The following TAS2R1 variants were observed in gnomAD, a reference collection of about 807,000 sequenced individuals.
TAS2R1 encodes taste 2 receptor member 1.
For missense variants in TAS2R1, 370 were observed against 353.4 expected (o/e 1.05, Z -0.38); for synonymous variants, 141 against 134.2 (o/e 1.05, Z -0.35).
At chr5:9,715,463 G>A (rs1350508909), upstream of TAS2R1, among the ~76,000 whole-genome samples, 1 of 152,198 alleles carries the variant, frequency 6.6e-6, no homozygotes, top group East Asian at 1.9e-4. Context: ...ACTGCAAAAG[G>A]CCCTCCATAC....
At chr5:9,820,885 C>T in the TAS2R1 span, among the ~76,000 whole-genome samples, 1 of 152,166 alleles carries the variant, frequency 6.6e-6, no homozygotes, top group Admixed American at 6.5e-5. Context: ...GGGAGATGAA[C>T]AGAGTCGATT....
chr5:9,821,933 C>T, the TAS2R1 span, among the ~76,000 whole-genome samples: 1 of 152,214 alleles, frequency 6.6e-6, no homozygotes, highest in Non-Finnish European at 1.5e-5. Flanking sequence ...GAAAGTCTAG[C>T]AGCCATGCCC....
At chr5:9,833,919 C>G in the TAS2R1 span, among the ~76,000 whole-genome samples, 1 of 152,102 alleles carries the variant, frequency 6.6e-6, no homozygotes, top group South Asian at 2.1e-4. Flanking sequence ...TAAAAAAGAC[C>G]CTGAGGCATC....
chr5:9,753,808 G>A, the TAS2R1 span, among the ~76,000 whole-genome samples: 8 of 152,250 alleles, frequency 5.3e-5, no homozygotes, highest in African/African-American at 7.2e-5. Context: ...ATAGGGAATC[G>A]TTTCTCCATT....
At chr5:9,742,964 A>T in the TAS2R1 span, among the ~76,000 whole-genome samples, 2 of 152,184 alleles carry the variant, frequency 1.3e-5, no homozygotes, top group Non-Finnish European at 2.9e-5. Flanking sequence ...AACTTTAAGC[A>T]TGATGAATAA....
the TAS2R1 span, among the ~76,000 whole-genome samples, chr5:9,794,300 A>T: frequency 5.3e-5 from 8 of 152,156 alleles, no homozygotes; most frequent in Admixed American, 5.2e-4. Context: ...GATTTATTAT[A>T]TTTATAAGAG....
the TAS2R1 span, among the ~76,000 whole-genome samples, chr5:9,860,490 C>T: frequency 6.6e-6 from 1 of 152,176 alleles, no homozygotes; most frequent in South Asian, 2.1e-4. Context: ...TAGGAAATAA[C>T]AAGCTAAAGA....
the TAS2R1 span, among the ~76,000 whole-genome samples, chr5:9,842,312 C>CTTTTTTTTTTT: frequency 1.7e-4 from 21 of 120,372 alleles, no homozygotes; most frequent in African/African-American, 6.0e-4. Flanking sequence ...GTCTTTCTTT[C>CTTTTTTTTTTT]TCTCTTTTTT....
the TAS2R1 span, among the ~76,000 whole-genome samples, chr5:9,792,019 G>C: frequency 1.3e-5 from 2 of 152,188 alleles, no homozygotes; most frequent in African/African-American, 4.8e-5. Context: ...CCAGGAGTCA[G>C]GATTCAAGTG....
chr5:9,830,304 T>C, the TAS2R1 span, among the ~76,000 whole-genome samples: 1 of 151,982 alleles, frequency 6.6e-6, no homozygotes, highest in Admixed American at 6.6e-5. Context: ...AGATGACAGA[T>C]ATATACAGAA....
the TAS2R1 span, among the ~76,000 whole-genome samples, chr5:9,835,587 G>C: frequency 1.3e-5 from 2 of 152,242 alleles, no homozygotes; most frequent in Non-Finnish European, 2.9e-5. Context: ...CTGACACCAT[G>C]AATGACATCA....
chr5:9,791,472 G>A, the TAS2R1 span, among the ~76,000 whole-genome samples: 2 of 152,226 alleles, frequency 1.3e-5, no homozygotes, highest in African/African-American at 4.8e-5. Context: ...GCCAAGGTAG[G>A]TGAATCACTT....
At chr5:9,744,573 A>T in the TAS2R1 span, among the ~76,000 whole-genome samples, 1 of 152,122 alleles carries the variant, frequency 6.6e-6, no homozygotes, top group Admixed American at 6.5e-5. Context: ...TTGTATATAT[A>T]GTAAGGGCCA....
At chr5:9,769,252 T>C in the TAS2R1 span, among the ~76,000 whole-genome samples, 3 of 152,158 alleles carry the variant, frequency 2.0e-5, no homozygotes, top group East Asian at 5.8e-4. Flanking sequence ...CAGGATCTCA[T>C]TCTTTTTTTA....
chr5:9,647,241 T>C (rs1002581284), intron 2 of TAS2R1, among the ~76,000 whole-genome samples: 3 of 152,172 alleles, frequency 2.0e-5, no homozygotes, highest in Non-Finnish European at 4.4e-5. Context: ...CCAACAAAGA[T>C]GCATAAGACC....
At chr5:9,767,392 C>T in the TAS2R1 span, among the ~76,000 whole-genome samples, 1 of 152,112 alleles carries the variant, frequency 6.6e-6, no homozygotes, top group African/African-American at 2.4e-5. Context: ...GAAGCTGGAC[C>T]CACATTGCCA....
intron 1 of TAS2R1, among the ~76,000 whole-genome samples, chr5:9,676,148 C>G (rs968765386): frequency 6.6e-6 from 1 of 152,098 alleles, no homozygotes; most frequent in Admixed American, 6.6e-5. Context: ...TGCCATATCA[C>G]ATTAATTGAT....
the TAS2R1 span, among the ~76,000 whole-genome samples, chr5:9,771,344 T>C: frequency 1.3e-5 from 2 of 152,164 alleles, no homozygotes. Context: ...TGTTAAACCA[T>C]CCTTGCATCC....
chr5:9,896,158 G>A, the TAS2R1 span, among the ~76,000 whole-genome samples: 1 of 152,200 alleles, frequency 6.6e-6, no homozygotes, highest in Non-Finnish European at 1.5e-5. Flanking sequence ...CTTGGGTCTA[G>A]CCACCAAGGT....
Sources: allele counts gnomAD v4.1 joint callset (sites outside exome capture counted in the v4.1 genomes callset), GRCh38; gene constraint gnomAD v4.1.1; transcripts MANE v1.5; gene names NCBI Gene and HGNC (gene_info 2026-07-23, HGNC 2026-07-21).